Variants in IL10RA observed in about 807,000 individuals in gnomAD.
IL10RA encodes interleukin-10 receptor subunit alpha.
In IL10RA, 18 loss-of-function variants were observed where a neutral mutation model predicts 29.6. The ratio of observed to expected loss-of-function variants is 0.61; its 90% CI spans 0.42 to 0.90. IL10RA has a LOEUF of 0.90. Among genes scored for constraint, IL10RA ranks in the 40% least tolerant of loss-of-function variants. The pLI is 0.00. For missense variants in IL10RA, 634 were observed against 716.6 expected (o/e 0.88, Z 1.32); for synonymous variants, 292 against 294.1 (o/e 0.99, Z 0.07).
At position 117,993,198 on chromosome 11, in the gene IL10RA, C is replaced by T. The variant is rs555060913; in HGVS notation, c.368-43C>T. Reference sequence around the variant, plus strand: ...CGGGGACACCCAGGCCCTCCTCAGCCCTCAAGTCTCATGGTATTCCCCCCC... The same window carrying T: ...CGGGGACACCCAGGCCCTCCTCAGCTCTCAAGTCTCATGGTATTCCCCCCC... On this transcript the variant is annotated intron_variant, in intron 3 of 6. Coordinates refer to ENST00000227752, the MANE Select transcript of IL10RA (RefSeq NM_001558.4). 19 of 1,589,612 alleles carry T rather than the reference C, an allele frequency of 1.2e-5. No homozygotes were observed. In the East Asian group the frequency reaches 4.0e-4, roughly 34 times the overall value.
chr11:117,987,615 C>A (rs1343931978), intron 1 of IL10RA: 1 of 153,692 alleles, frequency 6.5e-6, no homozygotes, highest in African/African-American at 2.4e-5. Flanking sequence ...ATGTTTGTTG[C>A]ATTCTTACAA....
At chr11:117,986,846 G>A in intron 1 of IL10RA, 2 of 1,456,788 alleles carry the variant, frequency 1.4e-6, no homozygotes, top group East Asian at 3.0e-5. Flanking sequence ...TGCTGTTTAG[G>A]TTCAAATGAT....
chr11:117,995,027 A>G (rs891822180), intron 5 of IL10RA: 4 of 169,004 alleles, frequency 2.4e-5, no homozygotes, highest in East Asian at 1.6e-4. Flanking sequence ...TTTGAGGTAT[A>G]TGACTTTGGG....
intron 1 of IL10RA, 197 bp downstream of exon 1, chr11:117,986,731 CG>C (rs1246723038): frequency 1.3e-6 from 2 of 1,533,518 alleles, no homozygotes; most frequent in Admixed American, 3.9e-5. Context: ...CAGGAACTGA[CG>C]GATTGGGAAG....
intron 5 of IL10RA, 76 bp downstream of exon 5, chr11:117,994,225 G>GCAC: frequency 7.4e-7 from 1 of 1,351,892 alleles, no homozygotes; most frequent in Non-Finnish European, 1.0e-6. Context: ...GCGTGCACCT[G>GCAC]GGATGCTGGT....
At chr11:117,995,118 T>C (rs1486939871) in intron 5 of IL10RA, 1 of 205,346 alleles carries the variant, frequency 4.9e-6, no homozygotes, top group Non-Finnish European at 1.0e-5. Flanking sequence ...CCTATAAGTA[T>C]AAAAGTTAAA....
At position 117,989,761 on chromosome 11, in the gene IL10RA, GC is replaced by G. The variant is rs1362153494; in HGVS notation, c.367+142del. 8 of 828,070 alleles carry G rather than the reference GC, an allele frequency of 9.7e-6. No homozygotes were observed. Among genetic ancestry groups the G allele is most frequent in the Non-Finnish European group, 1.4e-5 (7 of 502,056 alleles). 51.3% of individuals were successfully genotyped at this position (828,070 alleles called of 1,614,324 possible). A position where few individuals can be genotyped will look rare whatever the true frequency, so the allele number is the denominator to read the frequency against. On this transcript the variant is annotated intron_variant, in intron 3 of 6. Coordinates refer to ENST00000227752, the MANE Select transcript of IL10RA (RefSeq NM_001558.4). This position sits in a 1 kb window ranked among gnomAD's most constrained non-coding sequence, Gnocchi z 4.5. ...CCGGAGAACTAGTTGCCCAAACAGG[GC>G]AGGACTTTGGAGAATGTTAGATAAA...
chr11:117,998,071 C>T (rs2058067131), intron 6 of IL10RA, among the ~76,000 whole-genome samples: 1 of 152,172 alleles, frequency 6.6e-6, no homozygotes, highest in Admixed American at 6.5e-5. Context: ...CAGAGAGCAG[C>T]CCCTTCACTG....
chr11:117,989,466 C>T lies in IL10RA; in HGVS notation c.213C>T (p.Ser71=), dbSNP rs770043742. The T allele has an allele frequency of 1.9e-5, 31 of 1,614,174 alleles. 3 individuals carry two copies. The South Asian group carries it at 3.2e-4, about 17-fold the overall frequency. ...GGTATGGAATAGAGTCCTGGAACTC[C>T]ATCTCCAACTGTAGCCAGACCCTGT... ...LLRYGIESWN[S]ISNCSQTLSY... is the part of the protein sequence containing the mutation. Residue 71 remains serine (S), a synonymous_variant, in exon 3 of 7, where the codon TCC becomes TCT. Coordinates refer to ENST00000227752, the MANE Select transcript of IL10RA (RefSeq NM_001558.4). This position sits in a 1 kb window ranked among gnomAD's most constrained non-coding sequence, Gnocchi z 4.5.
Position 117,986,502 on chromosome 11 carries a change from T to C in IL10RA, c.35T>C (p.Leu12Pro). Residue 12 changes from leucine (L) to proline (P), a missense_variant, in exon 1 of 7, where the codon CTC becomes CCC. Physicochemically the swap from Leu to Pro is moderately conservative, Grantham distance 98 (BLOSUM62 -3). Transcript: ENST00000227752. ...TGCCTCGTAGTGCTGCTGGCGGCGC[T>C]CCTCAGCCTCCGTCTTGGCTCAGAC... is the stretch of plus-strand genomic sequence containing the variant. ...LPCLVVLLAALLSLRLGSDAH... is the reference protein window; with the variant it reads ...LPCLVVLLAAPLSLRLGSDAH... 1 of 1,556,218 alleles carries C rather than the reference T, an allele frequency of 6.4e-7. No individual in the cohort carries two copies.
At chr11:117,988,318 T>C in intron 1 of IL10RA, 64 bp from the exon 2 acceptor site, 1 of 1,608,172 alleles carries the variant, frequency 6.2e-7, no homozygotes, top group Non-Finnish European at 8.5e-7. Flanking sequence ...TCTTCTTTGG[T>C]AAAATTGGGG....
Position 117,999,533 on chromosome 11 carries a change from T to C in IL10RA, c.1629T>C (p.His543=). 1 of 1,614,212 alleles carries C rather than the reference T, an allele frequency of 6.2e-7. No homozygotes were observed. Among genetic ancestry groups the C allele is most frequent in the Non-Finnish European group, 8.5e-7 (1 of 1,180,026 alleles). ...GAATATCTGACTGGAGCTTTGCCCA[T>C]GACCTTGCCCCTCTAGGCTGTGTGG... ...DLGISDWSFA[H]DLAPLGCVAA... is the part of the protein sequence containing the mutation. The change falls in exon 7 of 7, where the codon CAT becomes CAC. Residue 543 remains histidine, a synonymous_variant. Coordinates refer to ENST00000227752, the MANE Select transcript of IL10RA (RefSeq NM_001558.4).
intron 4 of IL10RA, among the ~76,000 whole-genome samples, 182 bp downstream of exon 4, chr11:117,993,592 A>G (rs45560233): frequency 9.1e-4 from 138 of 152,282 alleles, no homozygotes; most frequent in Non-Finnish European, 1.4e-3. Flanking sequence ...CTCTTGTGAG[A>G]TGCTCCTCAA....
chr11:117,994,478 G>A (rs1463999065), intron 5 of IL10RA, among the ~76,000 whole-genome samples: 1 of 152,192 alleles, frequency 6.6e-6, no homozygotes. Flanking sequence ...AGCTGTGCTA[G>A]TTCCTGTTGT....
Position 117,999,086 on chromosome 11 carries a change from C to T in IL10RA, c.1182C>T (p.Asn394=), listed in dbSNP as rs956868670. 1.2e-6 allele frequency: 2 copies of T among 1,610,854 alleles called. No homozygotes were observed. The highest frequency in any genetic ancestry group is 1.3e-5 in the African/African-American group (1 of 74,892). The change falls in exon 7 of 7, where the codon AAC becomes AAT. Residue 394 remains asparagine, a synonymous_variant. Transcript: ENST00000227752. The part of the protein sequence containing the change: ...GPTWEQQVGS[N]SRGQDDSGID... ...CCTGGGAGCAACAGGTGGGGAGCAA[C>T]AGCAGGGGCCAGGATGACAGTGGCA...
chr11:117,996,347 G>A (rs985717161), intron 6 of IL10RA, among the ~76,000 whole-genome samples: 18 of 152,194 alleles, frequency 1.2e-4, no homozygotes, highest in African/African-American at 4.1e-4. Flanking sequence ...CTCCCAGGGT[G>A]TGTCCTCTTG....
chr11:117,995,437 C>T, intron 5 of IL10RA, 152 bp from the exon 6 acceptor site: 1 of 924,128 alleles, frequency 1.1e-6, no homozygotes, highest in Non-Finnish European at 1.7e-6. Context: ...GAAACCTAGA[C>T]ACATCTAGAG....
Position 117,986,501 on chromosome 11 carries a change from C to A in IL10RA, c.34C>A (p.Leu12Ile). 6.4e-7 allele frequency: 1 copy of A among 1,556,160 alleles called. No homozygotes were observed. Among genetic ancestry groups the A allele is most frequent in the South Asian group, 1.2e-5 (1 of 84,336 alleles). Residue 12 changes from leucine to isoleucine, a missense_variant, in exon 1 of 7, where the codon CTC becomes ATC. By Grantham distance (5) the Leu-to-Ile change is conservative. Coordinates refer to ENST00000227752, the MANE Select transcript of IL10RA (RefSeq NM_001558.4). ...LPCLVVLLAA[L>I]LSLRLGSDAH... ...GTGCCTCGTAGTGCTGCTGGCGGCG[C>A]TCCTCAGCCTCCGTCTTGGCTCAGA... is the stretch of plus-strand genomic sequence containing the variant.
At position 118,000,397 on chromosome 11, in the gene IL10RA, T is replaced by C. The variant is rs188436763; in HGVS notation, c.*756T>C. ...TGGAGTAGCATCCCCCTGGGGCACT[T>C]GCTGAGGCCAAGCCACTCACATCCT... On this transcript the variant is annotated 3_prime_UTR_variant, in exon 7 of 7. Coordinates refer to ENST00000227752, the MANE Select transcript of IL10RA (RefSeq NM_001558.4). The C allele has an allele frequency of 4.2e-4, 192 of 454,226 alleles. 1 individual carries two copies. In the East Asian group the frequency reaches 9.3e-3, roughly 22 times the overall value. 28.1% of individuals were successfully genotyped at this position (454,226 alleles called of 1,614,324 possible). A position where few individuals can be genotyped will look rare whatever the true frequency, so the allele number is the denominator to read the frequency against.
Sources: gnomAD v4.1 joint callset for allele counts (sites outside exome capture counted in the v4.1 genomes callset) on GRCh38, gnomAD v4.1.1 for gene constraint, Gnocchi (gnomAD v3.1) non-coding constraint, MANE v1.5 for transcripts, NCBI Gene and HGNC (gene_info 2026-07-23, HGNC 2026-07-21) for gene names.